Variants in ISG20 observed in about 807,000 individuals in gnomAD.
ISG20 encodes interferon-stimulated gene 20 kDa protein.
A neutral mutation model predicts 11.1 loss-of-function variants in ISG20; 8 were observed. That is an observed-to-expected ratio of 0.72 (90% CI 0.42 to 1.30). The LOEUF (loss-of-function observed/expected upper bound fraction) is 1.30, where lower values mean the gene tolerates loss of function less well. Ranked by LOEUF, ISG20 falls within the 50% of genes most tolerant of loss-of-function variation. The probability of loss-of-function intolerance (pLI) is 0.01; values close to 1 mark genes in which losing one functional copy is unlikely to be tolerated. For synonymous variants in ISG20, 110 were observed against 101.7 expected (o/e 1.08, Z -0.49); for missense variants, 243 against 250.2 (o/e 0.97, Z 0.19).
In ISG20 at chr15:88,639,681, C is replaced by T; in HGVS notation, c.228+87C>T. On this transcript the variant is annotated intron_variant, in intron 2 of 3. Coordinates refer to ENST00000306072, the MANE Select transcript of ISG20 (RefSeq NM_002201.6). The surrounding 1 kb of genome is among the most constrained non-coding windows in gnomAD (Gnocchi z 4.2). ...CTCTTCCCTGGTGCCCATCTGTGAC[C>T]TGTGACCCCACTTGTAAGATTTCCC... The T allele has an allele frequency of 9.9e-7, 1 of 1,008,862 alleles. No homozygotes were observed. The highest frequency in any genetic ancestry group is 1.5e-6 in the Non-Finnish European group (1 of 670,718). The allele number at this position is 1,008,862 out of a possible 1,614,324, so 62.5% of individuals were successfully genotyped here. A position where few individuals can be genotyped will look rare whatever the true frequency, so the allele number is the denominator to read the frequency against.
At chr15:88,638,427 TCA>T (rs2058019573), upstream of ISG20, among the ~76,000 whole-genome samples, 1 of 152,182 alleles carries the variant, frequency 6.6e-6, no homozygotes. Flanking sequence ...TCCTTCACCC[TCA>T]CAGAGTCAGC....
At chr15:88,651,677 A>C (rs2058276574) in intron 2 of ISG20, 1 of 620,490 alleles carries the variant, frequency 1.6e-6, no homozygotes, top group African/African-American at 2.0e-5. Flanking sequence ...TTCTGCCCGG[A>C]ACTTTAATTC....
intron 3 of ISG20, among the ~76,000 whole-genome samples, chr15:88,654,755 A>T (rs1458513318): frequency 6.6e-6 from 1 of 152,190 alleles, no homozygotes; most frequent in South Asian, 2.1e-4. Context: ...AGCCTAGTGC[A>T]CGGAAGACAT....
intron 2 of ISG20, chr15:88,647,934 ACCT>A (rs2058206379): frequency 2.0e-5 from 3 of 152,154 alleles, no homozygotes; most frequent in Admixed American, 6.5e-5. Flanking sequence ...GGGCCCTGCC[ACCT>A]GGCAGGTCCC....
chr15:88,650,595 C>G lies in ISG20; in HGVS notation c.229-1515C>G. 3.3e-6 allele frequency: 2 copies of G among 606,906 alleles called. No homozygotes were observed. Among genetic ancestry groups the G allele is most frequent in the Non-Finnish European group, 5.0e-6 (2 of 399,182 alleles). The allele number at this position is 606,906 out of a possible 1,614,324, so 37.6% of individuals were successfully genotyped here. ...GCCACCTGCAGTTTGGGCAGGTGCT[C>G]TGCAGCAGGACAGGCCGTCAGTTAA... On this transcript the variant is annotated intron_variant, in intron 2 of 3. Transcript: ENST00000306072. The surrounding 1 kb of genome is among the most constrained non-coding windows in gnomAD (Gnocchi z 4.0).
chr15:88,646,194 T>C (rs1053999410), intron 2 of ISG20, among the ~76,000 whole-genome samples: 1 of 152,184 alleles, frequency 6.6e-6, no homozygotes, highest in Non-Finnish European at 1.5e-5. Context: ...CTAAGTAGGA[T>C]CCTCTGTAAC....
chr15:88,637,300 A>C (rs2057999399), upstream of ISG20: 1 of 150,382 alleles, frequency 6.6e-6, no homozygotes, highest in Non-Finnish European at 1.5e-5. Flanking sequence ...CTGATGGAAG[A>C]GGGTCTGGAA....
At chr15:88,637,728 G>T (rs544536235), upstream of ISG20, among the ~76,000 whole-genome samples, 30 of 152,284 alleles carry the variant, frequency 2.0e-4, no homozygotes, top group African/African-American at 7.2e-4. Flanking sequence ...GGAGCACCAC[G>T]GGGCACTGGG....
chr15:88,646,183 C>T (rs1288301504), intron 2 of ISG20, among the ~76,000 whole-genome samples: 1 of 152,176 alleles, frequency 6.6e-6, no homozygotes, highest in Non-Finnish European at 1.5e-5. Flanking sequence ...TCTGTGCTCC[C>T]CTAAGTAGGA....
intron 2 of ISG20, 71 bp from the exon 3 acceptor site, chr15:88,652,039 C>A: frequency 6.2e-7 from 1 of 1,601,416 alleles, no homozygotes; most frequent in South Asian, 1.1e-5. Flanking sequence ...AGGGATTGCT[C>A]CCTTGCCAGC....
rs1327642985 is a variant in ISG20, at chr15:88,650,445, C to T, written c.229-1665C>T. Reference sequence around the variant, plus strand: ...AGTGGCAGGCGGGCTCTGGATTCATCCCACTGGCTTCAAGGCCTGGCTTTG... The same window carrying T: ...AGTGGCAGGCGGGCTCTGGATTCATTCCACTGGCTTCAAGGCCTGGCTTTG... On this transcript the variant is annotated intron_variant, in intron 2 of 3. Transcript: ENST00000306072. This position sits in a 1 kb window ranked among gnomAD's most constrained non-coding sequence, Gnocchi z 4.0. 6.8e-7 allele frequency: 1 copy of T among 1,467,816 alleles called. No homozygotes were observed. Among genetic ancestry groups the T allele is most frequent in the African/African-American group, 1.4e-5 (1 of 71,402 alleles). The allele number at this position is 1,467,816 out of a possible 1,614,324, so 90.9% of individuals were successfully genotyped here. A position where few individuals can be genotyped will look rare whatever the true frequency, so the allele number is the denominator to read the frequency against.
rs1387901347 is a variant in ISG20 at position 88,643,596 on chromosome 15, C to G, written c.228+4002C>G. 6.6e-6 allele frequency among the ~76,000 whole-genome samples: 1 copy of G among 152,110 alleles called. No individual in the cohort carries two copies. The highest frequency in any genetic ancestry group is 1.5e-5 in the Non-Finnish European group (1 of 68,036). On this transcript the variant is annotated intron_variant, in intron 2 of 3. Coordinates refer to ENST00000306072, the MANE Select transcript of ISG20 (RefSeq NM_002201.6). This position sits in a 1 kb window ranked among gnomAD's most constrained non-coding sequence, Gnocchi z 4.4. ...GTGGGTGCCTGTAATCCAAGCTACT[C>G]AGGAGGCTGACGCAGGAGAATCGCT...
rs2058037494 is a variant in ISG20, at chr15:88,639,253, C to T, written c.-24-90C>T. 6 of 745,318 alleles carry T rather than the reference C, an allele frequency of 8.1e-6. No individual in the cohort carries two copies. Among genetic ancestry groups the T allele is most frequent in the South Asian group, 3.6e-5 (2 of 55,182 alleles). 46.2% of individuals were successfully genotyped at this position (745,318 alleles called of 1,614,324 possible). ...GTGGTGTCGGAAACAAAGGGCAGGG[C>T]GGAGGGTAAGGCCAGCTGGGGTTGG... is the stretch of plus-strand genomic sequence containing the variant. On this transcript the variant is annotated intron_variant, in intron 1 of 3. Coordinates refer to ENST00000306072, the MANE Select transcript of ISG20 (RefSeq NM_002201.6). The surrounding 1 kb of genome is among the most constrained non-coding windows in gnomAD (Gnocchi z 4.2).
rs2058036690 is a variant in ISG20, at chr15:88,639,214, T to A, written c.-24-129T>A. 2 of 626,042 alleles carry A rather than the reference T, an allele frequency of 3.2e-6. No homozygotes were observed. The highest frequency in any genetic ancestry group is 3.7e-5 in the African/African-American group (2 of 54,266). The allele number at this position is 626,042 out of a possible 1,614,324, so 38.8% of individuals were successfully genotyped here. A position where few individuals can be genotyped will look rare whatever the true frequency, so the allele number is the denominator to read the frequency against. ...GGATGGGGGAGGCAAGAGGCCAGCTTCCACTGTGGCCAGGTGGTGTCGGAA... is the reference window on the plus strand; with the variant it reads ...GGATGGGGGAGGCAAGAGGCCAGCTACCACTGTGGCCAGGTGGTGTCGGAA... On this transcript the variant is annotated intron_variant, in intron 1 of 3. Coordinates refer to ENST00000306072, the MANE Select transcript of ISG20 (RefSeq NM_002201.6). This position sits in a 1 kb window ranked among gnomAD's most constrained non-coding sequence, Gnocchi z 4.2.
In ISG20 at chr15:88,652,618, C is replaced by T. The variant is rs1160269058; in HGVS notation, c.429+308C>T. On this transcript the variant is annotated intron_variant, in intron 3 of 3. Transcript: ENST00000306072. ...CTCTTCTCCCCTTCTTCCCCTTCCT[C>T]CTCCCCTGTCCCCTCCCTTTCCTCC... Among the ~76,000 whole-genome samples the T allele has an allele frequency of 5.4e-5, 6 of 111,772 alleles. No homozygotes were observed. The South Asian group carries it at 2.2e-3, about 41-fold the overall frequency. 73.3% of individuals were successfully genotyped at this position (111,772 alleles called of 152,430 possible).
At chr15:88,654,412 CG>C in intron 3 of ISG20, among the ~76,000 whole-genome samples, 1 of 152,268 alleles carries the variant, frequency 6.6e-6, no homozygotes, top group Middle Eastern at 3.4e-3. Context: ...TGAGCTGGGC[CG>C]TCTAACCAGG....
intron 2 of ISG20, among the ~76,000 whole-genome samples, chr15:88,642,437 C>G (rs754690658): frequency 3.9e-5 from 6 of 152,192 alleles, no homozygotes; most frequent in Non-Finnish European, 8.8e-5. Flanking sequence ...GTAACTTACG[C>G]TGTTAAGATA....
In ISG20 at chr15:88,650,537, C is replaced by T. The variant is rs77992952; in HGVS notation, c.229-1573C>T. On this transcript the variant is annotated intron_variant, in intron 2 of 3. Transcript: ENST00000306072. This position sits in a 1 kb window ranked among gnomAD's most constrained non-coding sequence, Gnocchi z 4.0. ...CTTGGCAAATCACACCAAAACTTAC[C>T]GGTTCAAACAATGTCAATACTTATT... is the stretch of plus-strand genomic sequence containing the variant. 1.9e-3 allele frequency: 2,267 copies of T among 1,211,150 alleles called. 40 individuals are homozygous for T. In the African/African-American group the frequency reaches 0.032, roughly 17 times the overall value. The allele number at this position is 1,211,150 out of a possible 1,614,324, so 75.0% of individuals were successfully genotyped here.
chr15:88,653,320 T>G (rs2058318662), intron 3 of ISG20, among the ~76,000 whole-genome samples: 1 of 152,050 alleles, frequency 6.6e-6, no homozygotes, highest in African/African-American at 2.4e-5. Flanking sequence ...AGACCAGATC[T>G]GAACAGAGCC....
Sources: allele counts gnomAD v4.1 joint callset (sites outside exome capture counted in the v4.1 genomes callset), GRCh38; gene constraint gnomAD v4.1.1; non-coding constraint Gnocchi (gnomAD v3.1); transcripts MANE v1.5; gene names NCBI Gene and HGNC (gene_info 2026-07-23, HGNC 2026-07-21).